FLT1: variants seen among roughly 807,000 people sequenced by gnomAD.
FLT1 encodes the protein fms related receptor tyrosine kinase 1, also known as vascular endothelial growth factor receptor 1.
Under a neutral mutation model 156.3 loss-of-function variants are expected in FLT1, and 49 were observed. The observed-to-expected ratio is 0.31, with a 90% CI of 0.25 to 0.40. The LOEUF (loss-of-function observed/expected upper bound fraction) is 0.40, where lower values mean the gene tolerates loss of function less well. Among genes scored for constraint, FLT1 ranks in the 10% least tolerant of loss-of-function variants. The pLI is 1.00. For missense variants in FLT1, 1,322 were observed against 1,637.2 expected, an observed-to-expected ratio of 0.81 and a Z score of 3.32; for synonymous variants, 594 against 583.8, an observed-to-expected ratio of 1.02 and a Z score of -0.25.
intron 12 of FLT1, among the ~76,000 whole-genome samples, chr13:28,391,021 G>A (rs1220472971): frequency 1.3e-5 from 2 of 152,262 alleles, no homozygotes; most frequent in African/African-American, 2.4e-5. Flanking sequence ...AGAGGAGCCC[G>A]CTGACTTACT....
At chr13:28,356,799 T>A (rs921081577) in intron 15 of FLT1, among the ~76,000 whole-genome samples, 12 of 152,216 alleles carry the variant, frequency 7.9e-5, no homozygotes, top group African/African-American at 2.9e-4. Context: ...GCCATAGATA[T>A]TTACATCTAA....
At chr13:28,414,701 A>G (rs1876542786) in intron 10 of FLT1, among the ~76,000 whole-genome samples, 1 of 152,220 alleles carries the variant, frequency 6.6e-6, no homozygotes, top group African/African-American at 2.4e-5. Flanking sequence ...TCACTTGGGA[A>G]ACAGTGGGTG....
rs377090472 is a variant in FLT1 at position 28,494,877 on chromosome 13, C to G, written c.-34G>C. The stretch of plus-strand genomic sequence containing the variant: ...CGACGCGGCCTGCTCGCCCGGTGCC[C>G]GCGCTCCCCGCGGCCAACGACCCGG... On this transcript the variant is annotated 5_prime_UTR_variant, in exon 1 of 30. Transcript: ENST00000282397. The G allele has an allele frequency of 6.7e-7, 1 of 1,502,450 alleles. No homozygotes were observed. Among genetic ancestry groups the G allele is most frequent in the African/African-American group, 1.4e-5 (1 of 69,000 alleles). The allele number at this position is 1,502,450 out of a possible 1,614,324, so 93.1% of individuals were successfully genotyped here. A position where few individuals can be genotyped will look rare whatever the true frequency, so the allele number is the denominator to read the frequency against.
intron 3 of FLT1, among the ~76,000 whole-genome samples, chr13:28,455,298 G>A (rs1466877861): frequency 6.6e-6 from 1 of 152,168 alleles, no homozygotes; most frequent in Non-Finnish European, 1.5e-5. Context: ...CAAAAGGATA[G>A]ACAAATAGGT....
chr13:28,385,027 C>T lies in FLT1; in HGVS notation c.1974G>A (p.Gln658=). ...LQKKEITIRD[Q]EAPYLLRNLS... ...GGTTTCGCAGGAGGTATGGTGCTTC[C>T]TGATCTAGTGAAGAAAGAAAGGGAG... The change falls in exon 14 of 30, where the codon CAG becomes CAA. Residue 658 remains glutamine (Q), a synonymous_variant. Transcript: ENST00000282397. The T allele has an allele frequency of 1.2e-6, 2 of 1,614,082 alleles. No homozygotes were observed. The highest frequency in any genetic ancestry group is 1.7e-6 in the Non-Finnish European group (2 of 1,180,006).
At chr13:28,400,854 A>G (rs554470937) in intron 11 of FLT1, among the ~76,000 whole-genome samples, 1 of 152,350 alleles carries the variant, frequency 6.6e-6, no homozygotes, top group African/African-American at 2.4e-5. Flanking sequence ...TAGTGCTATA[A>G]TTAGTTTTCA....
At chr13:28,357,711 A>T (rs772148850) in intron 14 of FLT1, 26 bp from the exon 15 acceptor site, 1 of 1,611,312 alleles carries the variant, frequency 6.2e-7, no homozygotes, top group South Asian at 1.1e-5. Flanking sequence ...TGTTTAGATT[A>T]GTGGGCCTGG....
chr13:28,448,016 A>T (rs578158538), intron 3 of FLT1, among the ~76,000 whole-genome samples: 1 of 152,240 alleles, frequency 6.6e-6, no homozygotes, highest in East Asian at 1.9e-4. Context: ...AAGATACTTA[A>T]CATCATAAGC....
At chr13:28,450,042 C>T (rs1033864351) in intron 3 of FLT1, among the ~76,000 whole-genome samples, 2 of 152,144 alleles carry the variant, frequency 1.3e-5, no homozygotes, top group Non-Finnish European at 2.9e-5. Context: ...GAGGCGGACA[C>T]ATGGCACACT....
chr13:28,346,910 T>C (rs1199869905), intron 15 of FLT1, among the ~76,000 whole-genome samples: 2 of 152,154 alleles, frequency 1.3e-5, no homozygotes, highest in Non-Finnish European at 2.9e-5. Flanking sequence ...GCACTTCATC[T>C]TGGGGGCTCT....
At chr13:28,417,193 T>A (rs564946490) in intron 10 of FLT1, among the ~76,000 whole-genome samples, 23 of 152,326 alleles carry the variant, frequency 1.5e-4, no homozygotes, top group African/African-American at 5.5e-4. Context: ...TGAAAAAATT[T>A]CACATCAGGT....
intron 29 of FLT1, among the ~76,000 whole-genome samples, chr13:28,305,357 G>A (rs1566276332): frequency 6.6e-6 from 1 of 152,122 alleles, no homozygotes; most frequent in Non-Finnish European, 1.5e-5. Context: ...CCAAGTAGCT[G>A]GGACTACAGG....
At chr13:28,315,690 A>T (rs755328199) in intron 25 of FLT1, among the ~76,000 whole-genome samples, 1 of 152,244 alleles carries the variant, frequency 6.6e-6, no homozygotes, top group Non-Finnish European at 1.5e-5. Context: ...AATAATAACA[A>T]CTATTAGTGT....
intron 10 of FLT1, among the ~76,000 whole-genome samples, chr13:28,406,119 C>T (rs1375009475): frequency 6.6e-6 from 1 of 151,822 alleles, no homozygotes; most frequent in Non-Finnish European, 1.5e-5. Flanking sequence ...TGTCACCATA[C>T]ATCCTTTTCG....
At chr13:28,455,458 C>T (rs781463520) in intron 3 of FLT1, among the ~76,000 whole-genome samples, 5 of 152,126 alleles carry the variant, frequency 3.3e-5, no homozygotes, top group African/African-American at 9.7e-5. Context: ...TGAGGCTAGA[C>T]ACAGACCTTA....
At chr13:28,353,569 T>C (rs1319995326) in intron 15 of FLT1, among the ~76,000 whole-genome samples, 6 of 92,086 alleles carry the variant, frequency 6.5e-5, no homozygotes, top group Non-Finnish European at 1.1e-4. Flanking sequence ...CAAGACTGTG[T>C]CTCAAAAAAA....
rs1421364343 is a variant in FLT1 at position 28,405,802 on chromosome 13, G to C, written c.1529C>G (p.Ala510Gly). The change falls in exon 11 of 30, where the codon GCA becomes GGA. Residue 510 changes from alanine (A) to glycine (G), a missense_variant. This residue lies in a region of FLT1 where 991 missense variants were observed against 1,254.8 expected (regional missense o/e 0.79). Transcript: ENST00000282397. ...TACCTTATTCTTTCCTTCTATTATT[G>C]CCATGCGCTGAGTGATGCTCTCAAT... is the stretch of plus-strand genomic sequence containing the variant. The part of the protein sequence containing the change: ...NRIESITQRM[A>G]IIEGKNKMAS... The C allele has an allele frequency of 1.6e-5, 25 of 1,589,876 alleles. No homozygotes were observed. The highest frequency in any genetic ancestry group is 2.2e-5 in the Non-Finnish European group (25 of 1,158,766).
intron 1 of FLT1, among the ~76,000 whole-genome samples, chr13:28,478,560 T>C (rs1880675712): frequency 6.6e-6 from 1 of 152,212 alleles, no homozygotes; most frequent in African/African-American, 2.4e-5. Context: ...AAGCGGGAAT[T>C]GGAACTTTTA....
intron 3 of FLT1, among the ~76,000 whole-genome samples, chr13:28,449,985 C>T (rs1158721839): frequency 9.0e-6 from 1 of 111,318 alleles, no homozygotes; most frequent in Admixed American, 9.3e-5. Flanking sequence ...GGGTGTCTAG[C>T]GGCAGGGGAT....
Sources: gnomAD v4.1 joint callset for allele counts (sites outside exome capture counted in the v4.1 genomes callset) on GRCh38, gnomAD v4.1.1 for gene constraint, gnomAD v4.1.1 regional missense constraint, MANE v1.5 for transcripts, NCBI Gene and HGNC (gene_info 2026-07-23, HGNC 2026-07-21) for gene names.